Variants in QTGAL observed in about 807,000 individuals in gnomAD.
QTGAL encodes the protein BGnT-like protein 1.
the QTGAL span, among the ~76,000 whole-genome samples, chr17:83,044,050 T>C: frequency 3.3e-5 from 5 of 152,302 alleles, no homozygotes; most frequent in East Asian, 1.9e-4. Flanking sequence ...ACCTCACTGA[T>C]GAATTCCACC....
the QTGAL span, among the ~76,000 whole-genome samples, chr17:83,045,061 T>A: frequency 2.0e-5 from 3 of 152,196 alleles, no homozygotes; most frequent in African/African-American, 7.2e-5. Context: ...AACAAACTAT[T>A]AAAGCTAATA....
the QTGAL span, among the ~76,000 whole-genome samples, chr17:82,963,090 G>C: frequency 6.6e-6 from 1 of 152,222 alleles, no homozygotes; most frequent in Non-Finnish European, 1.5e-5. Context: ...AAGAAGCCGA[G>C]TGGAGGAAGT....
chr17:82,984,480 G>T, the QTGAL span, among the ~76,000 whole-genome samples: 2 of 29,008 alleles, frequency 6.9e-5, no homozygotes, highest in Non-Finnish European at 1.3e-4. Context: ...TGATTATGCA[G>T]GGGAGAGGCC....
the QTGAL span, among the ~76,000 whole-genome samples, chr17:83,014,696 C>T: frequency 6.6e-6 from 1 of 152,256 alleles, no homozygotes; most frequent in Non-Finnish European, 1.5e-5. Flanking sequence ...GTTGGGATTA[C>T]AGGCTTGAGC....
chr17:83,049,088 C>T, the QTGAL span: 1 of 276,426 alleles, frequency 3.6e-6, no homozygotes, highest in Non-Finnish European at 7.0e-6. Context: ...CCCATCTCTA[C>T]TAAAAATACA....
chr17:82,986,115 G>C, the QTGAL span, among the ~76,000 whole-genome samples: 3 of 152,220 alleles, frequency 2.0e-5, no homozygotes, highest in Non-Finnish European at 4.4e-5. Flanking sequence ...CAACGTGGGG[G>C]ACCCTCTCCG....
chr17:83,028,640 G>A, the QTGAL span, among the ~76,000 whole-genome samples: 1 of 151,890 alleles, frequency 6.6e-6, no homozygotes, highest in African/African-American at 2.4e-5. Context: ...AATTAAGGCC[G>A]ACAGCATCAA....
At chr17:83,024,590 C>A in the QTGAL span, among the ~76,000 whole-genome samples, 3 of 152,250 alleles carry the variant, frequency 2.0e-5, no homozygotes, top group Non-Finnish European at 4.4e-5. Context: ...AAGCTGGCAA[C>A]TGTGCAGGGC....
chr17:83,032,244 G>C, the QTGAL span, among the ~76,000 whole-genome samples: 46 of 63,454 alleles, frequency 7.2e-4, 2 homozygotes, highest in Admixed American at 1.0e-3. Flanking sequence ...GCTGAACAAC[G>C]GGTCAGACCA....
chr17:83,022,053 A>G, the QTGAL span, among the ~76,000 whole-genome samples: 1 of 152,252 alleles, frequency 6.6e-6, no homozygotes, highest in Non-Finnish European at 1.5e-5. Context: ...CCTGAAATGA[A>G]CCAGAGGTCT....
At chr17:82,998,839 C>T in the QTGAL span, among the ~76,000 whole-genome samples, 2 of 151,994 alleles carry the variant, frequency 1.3e-5, no homozygotes, top group South Asian at 2.1e-4. Flanking sequence ...AGACACTTTA[C>T]CAAAGAAGAT....
At chr17:83,028,963 G>A in the QTGAL span, among the ~76,000 whole-genome samples, 1 of 152,208 alleles carries the variant, frequency 6.6e-6, no homozygotes, top group South Asian at 2.1e-4. Flanking sequence ...CCGGCTGAGT[G>A]GAAAGAGAAA....
chr17:83,011,348 C>T, the QTGAL span: 3 of 152,180 alleles, frequency 2.0e-5, no homozygotes, highest in Non-Finnish European at 2.9e-5. Context: ...TGCAAATGCA[C>T]GATTTATGAA....
At chr17:83,034,847 C>CTT in the QTGAL span, among the ~76,000 whole-genome samples, 2 of 152,222 alleles carry the variant, frequency 1.3e-5, no homozygotes, top group Non-Finnish European at 2.9e-5. Flanking sequence ...TATTAAACTT[C>CTT]TTTTTCTTTA....
chr17:82,958,396 G>A, the QTGAL span, among the ~76,000 whole-genome samples: 2 of 152,214 alleles, frequency 1.3e-5, no homozygotes, highest in African/African-American at 4.8e-5. Flanking sequence ...AGTCTCCTCC[G>A]GGGTGGGGTC....
chr17:83,023,771 C>T, the QTGAL span, among the ~76,000 whole-genome samples: 1 of 152,206 alleles, frequency 6.6e-6, no homozygotes, highest in African/African-American at 2.4e-5. Flanking sequence ...CGTCTCCCGA[C>T]CTCCAGCAGC....
At chr17:83,041,997 T>C in the QTGAL span, among the ~76,000 whole-genome samples, 2 of 152,214 alleles carry the variant, frequency 1.3e-5, no homozygotes, top group East Asian at 3.8e-4. Flanking sequence ...AGAACAGGGA[T>C]AAAGTTTACT....
At chr17:82,987,446 A>G in the QTGAL span, among the ~76,000 whole-genome samples, 1 of 152,224 alleles carries the variant, frequency 6.6e-6, no homozygotes, top group Non-Finnish European at 1.5e-5. Context: ...CAAGTACACT[A>G]ATGACAGTCA....
At chr17:83,032,609 T>C in the QTGAL span, among the ~76,000 whole-genome samples, 3 of 152,314 alleles carry the variant, frequency 2.0e-5, no homozygotes, top group South Asian at 4.1e-4. Context: ...CCATTTTCCA[T>C]GTGGTGGGTT....
Sources: allele counts gnomAD v4.1 joint callset (sites outside exome capture counted in the v4.1 genomes callset), GRCh38; gene constraint gnomAD v4.1.1; transcripts MANE v1.5; gene names NCBI Gene and HGNC (gene_info 2026-07-23, HGNC 2026-07-21).